The following SNX13 variants were observed in gnomAD, a reference collection of about 807,000 sequenced individuals.
SNX13 encodes the protein sorting nexin 13.
A neutral mutation model predicts 133.6 loss-of-function variants in SNX13; 45 were observed. That is an observed-to-expected ratio of 0.34 (90% CI 0.27 to 0.43). The LOEUF (loss-of-function observed/expected upper bound fraction) is 0.43. Among genes scored for constraint, SNX13 ranks in the 20% least tolerant of loss-of-function variants. SNX13 has a pLI of 1.00. For synonymous variants in SNX13, 414 were observed against 373.9 expected (o/e 1.11, Z -1.24); for missense variants, 1,032 against 1,145.1 (o/e 0.90, Z 1.43).
Position 17,875,777 on chromosome 7 carries a change from C to G in SNX13, c.454G>C (p.Asp152His), listed in dbSNP as rs1270347963. 1.2e-6 allele frequency: 2 copies of G among 1,601,566 alleles called. No homozygotes were observed. Among genetic ancestry groups the G allele is most frequent in the Non-Finnish European group, 1.7e-6 (2 of 1,173,406 alleles). ...CGTGTAGTAAAATAAGGTTGCCAGT[C>G]TATTTCTTTTGACCTTATAAAAAAC... Reference protein sequence around the residue: ...IQFATRSKEIDWQPYFTTRIV... With the variant: ...IQFATRSKEIHWQPYFTTRIV... The change falls in exon 6 of 26, where the codon GAC (aspartate) becomes CAC (histidine). Residue 152 changes from aspartate (D) to histidine (H), a missense_variant. Transcript: ENST00000428135.
chr7:17,934,482 T>C (rs935028263), intron 1 of SNX13, among the ~76,000 whole-genome samples: 4 of 152,178 alleles, frequency 2.6e-5, no homozygotes, highest in African/African-American at 9.7e-5. Flanking sequence ...GATTAGCATG[T>C]GAGTCTGAGT....
chr7:17,851,099 A>G (rs772730394), intron 9 of SNX13, 135 bp from the exon 10 acceptor site: 15 of 813,242 alleles, frequency 1.8e-5, no homozygotes, highest in South Asian at 3.6e-5. Flanking sequence ...AAAAAGTTCT[A>G]TATTTGGGCA....
At chr7:17,798,905 C>G in intron 23 of SNX13, 104 bp downstream of exon 23, 1 of 1,379,934 alleles carries the variant, frequency 7.2e-7, no homozygotes, top group Non-Finnish European at 9.9e-7. Flanking sequence ...TTAAAAGGCC[C>G]AGAGAAAAAA....
chr7:17,931,543 G>A (rs1801392191), intron 1 of SNX13, among the ~76,000 whole-genome samples: 1 of 152,150 alleles, frequency 6.6e-6, no homozygotes, highest in Non-Finnish European at 1.5e-5. Flanking sequence ...TCTTTCCTAT[G>A]CTAAGCCAGT....
At chr7:17,874,926 A>G (rs913049027) in intron 7 of SNX13, among the ~76,000 whole-genome samples, 2 of 152,266 alleles carry the variant, frequency 1.3e-5, no homozygotes, top group African/African-American at 4.8e-5. Flanking sequence ...TAATAAATTC[A>G]AGAGGAAGAG....
At chr7:17,929,948 C>G (rs530628182) in intron 1 of SNX13, among the ~76,000 whole-genome samples, 1 of 152,288 alleles carries the variant, frequency 6.6e-6, no homozygotes, top group East Asian at 1.9e-4. Context: ...CTGGGTCATA[C>G]AGGATTACTC....
intron 20 of SNX13, among the ~76,000 whole-genome samples, chr7:17,808,008 T>A (rs1463832169): frequency 6.6e-6 from 1 of 152,096 alleles, no homozygotes; most frequent in Non-Finnish European, 1.5e-5. Flanking sequence ...GAAAAACCAG[T>A]GCAAAAAGGC....
chr7:17,833,332 A>C (rs560746196), intron 15 of SNX13, among the ~76,000 whole-genome samples: 1 of 151,786 alleles, frequency 6.6e-6, no homozygotes, highest in Admixed American at 6.6e-5. Flanking sequence ...TCAAATGCAT[A>C]ATTCCATTTA....
At chr7:17,806,024 A>G (rs1554304686) in intron 20 of SNX13, among the ~76,000 whole-genome samples, 1 of 152,250 alleles carries the variant, frequency 6.6e-6, no homozygotes, top group Non-Finnish European at 1.5e-5. Context: ...AGAAAAAAAG[A>G]AAAACTTTCA....
rs562631105 is a variant in SNX13 at position 17,847,168 on chromosome 7, T to C, written c.1066-1474A>G. On this transcript the variant is annotated intron_variant, in intron 11 of 25. Transcript: ENST00000428135. ...AGAAAAGCACAAGTGAAACCGTATC[T>C]TTCTTCTACGCTCATTTGCACGAGT... is the stretch of plus-strand genomic sequence containing the variant. Among the ~76,000 whole-genome samples, 23 of 152,260 alleles carry C rather than the reference T, an allele frequency of 1.5e-4. No homozygotes were observed. In the South Asian group the frequency reaches 4.6e-3, roughly 30 times the overall value.
At chr7:17,906,822 C>A (rs1281187258) in intron 1 of SNX13, among the ~76,000 whole-genome samples, 1 of 152,114 alleles carries the variant, frequency 6.6e-6, no homozygotes, top group Non-Finnish European at 1.5e-5. Flanking sequence ...CCAATTACCT[C>A]CTTGATTTTT....
At position 17,791,378 on chromosome 7, in the gene SNX13, TTG is replaced by T. The variant is rs1562628193; in HGVS notation, c.*2665_*2666del. On this transcript the variant is annotated 3_prime_UTR_variant, in exon 26 of 26. Coordinates refer to ENST00000428135, the MANE Select transcript of SNX13 (RefSeq NM_015132.5). The stretch of plus-strand genomic sequence containing the variant: ...CAAACTGAAATATTCAAGAAAGTTT[TTG>T]TTTTTTTTTTTTTTAAAAAAATTAA... The T allele has an allele frequency of 1.3e-5, 2 of 151,732 alleles. No individual in the cohort carries two copies. The highest frequency in any genetic ancestry group is 1.3e-4 in the Admixed American group (2 of 15,208). 9.4% of individuals were successfully genotyped at this position (151,732 alleles called of 1,614,324 possible). A position where few individuals can be genotyped will look rare whatever the true frequency, so the allele number is the denominator to read the frequency against.
intron 23 of SNX13, 78 bp downstream of exon 23, chr7:17,798,931 T>C (rs2128284380): frequency 2.7e-6 from 4 of 1,506,710 alleles, no homozygotes; most frequent in African/African-American, 1.4e-5. Flanking sequence ...CCTACAAAGG[T>C]TGAGCAATCT....
intron 20 of SNX13, among the ~76,000 whole-genome samples, chr7:17,810,148 G>A (rs1285273744): frequency 1.3e-5 from 2 of 151,692 alleles, no homozygotes; most frequent in East Asian, 1.9e-4. Context: ...ATAGAGACAC[G>A]AAAAACGCTT....
rs575260857 is a variant in SNX13 at position 17,871,150 on chromosome 7, C to T, written c.753+2378G>A. Among the ~76,000 whole-genome samples the T allele has an allele frequency of 2.7e-4, 41 of 152,056 alleles. No individual in the cohort carries two copies. In the South Asian group the frequency reaches 5.2e-3, roughly 19 times the overall value. ...CCTCCCGAGTAGCTGGGATGACAGG[C>T]GCCTGCCACCATGCCCAGCTAATTT... On this transcript the variant is annotated intron_variant, in intron 8 of 25. Transcript: ENST00000428135.
At chr7:17,902,783 C>T (rs4721668) in intron 1 of SNX13, among the ~76,000 whole-genome samples, 18,201 of 152,130 alleles carry the variant, frequency 0.12, 1,262 homozygotes, top group African/African-American at 0.17. Flanking sequence ...GGAACTGGGC[C>T]GCACAGCAGG....
chr7:17,869,706 C>T (rs899983824), intron 8 of SNX13, among the ~76,000 whole-genome samples: 5 of 152,124 alleles, frequency 3.3e-5, no homozygotes, highest in African/African-American at 1.2e-4. Context: ...TCTTTGGAGA[C>T]ACTTTGCAGT....
intron 1 of SNX13, among the ~76,000 whole-genome samples, chr7:17,931,346 C>T (rs1209417178): frequency 9.1e-6 from 1 of 109,884 alleles, no homozygotes; most frequent in Admixed American, 9.3e-5. Flanking sequence ...AAAGTCAGAA[C>T]ATTATTTCCT....
chr7:17,859,539 A>C (rs1033365524), intron 9 of SNX13, among the ~76,000 whole-genome samples: 1 of 152,112 alleles, frequency 6.6e-6, no homozygotes, highest in African/African-American at 2.4e-5. Context: ...TGTGGTCAAA[A>C]ACAGAAAACA....
Sources: gnomAD v4.1 joint callset for allele counts (sites outside exome capture counted in the v4.1 genomes callset) on GRCh38, gnomAD v4.1.1 for gene constraint, MANE v1.5 for transcripts, NCBI Gene and HGNC (gene_info 2026-07-23, HGNC 2026-07-21) for gene names.